The following TCF3 variants were observed in gnomAD, a reference collection of about 807,000 sequenced individuals.
The protein encoded by TCF3 is transcription factor 3, also known as transcription factor E2-alpha.
In TCF3, 54 loss-of-function variants were observed where a neutral mutation model predicts 72.3. That is an observed-to-expected ratio of 0.75 (90% CI 0.60 to 0.94). TCF3 has a LOEUF of 0.94. TCF3 is among the 40% of genes least tolerant of loss of function. The probability of loss-of-function intolerance (pLI) is 0.00; values close to 1 mark genes in which losing one functional copy is unlikely to be tolerated. For synonymous variants in TCF3, 525 were observed against 412.6 expected (o/e 1.27, Z -3.30); for missense variants, 1,078 against 934.4 (o/e 1.15, Z -2.00).
intron 2 of TCF3, 129 bp from the exon 3 acceptor site, chr19:1,646,556 C>T: frequency 2.6e-6 from 2 of 772,754 alleles, no homozygotes; most frequent in Non-Finnish European, 4.2e-6. Flanking sequence ...CCATCTAGGC[C>T]CGGCCCGTCC....
rs1230018217 is a variant in TCF3 at position 1,610,756 on chromosome 19, G to A, written c.*951C>T. On this transcript the variant is annotated 3_prime_UTR_variant, in exon 19 of 19. Coordinates refer to ENST00000262965, the MANE Select transcript of TCF3 (RefSeq NM_003200.5). Reference sequence around the variant, plus strand: ...CTGACGTCCCTTCCCCCAAGCCCAGGTCAGTCCCCTTCCTGAGGGGAGAGG... The same window carrying A: ...CTGACGTCCCTTCCCCCAAGCCCAGATCAGTCCCCTTCCTGAGGGGAGAGG... 1.7e-5 allele frequency: 4 copies of A among 232,050 alleles called. No homozygotes were observed. Among genetic ancestry groups the A allele is most frequent in the Admixed American group, 5.6e-5 (1 of 17,738 alleles). The allele number at this position is 232,050 out of a possible 1,614,324, so 14.4% of individuals were successfully genotyped here.
At chr19:1,642,153 CACACACACACACGCACGCGT>C (rs999275257) in intron 3 of TCF3, among the ~76,000 whole-genome samples, 5 of 151,552 alleles carry the variant, frequency 3.3e-5, no homozygotes, top group African/African-American at 7.3e-5. Context: ...CACACACACA[CACACACACACACGCACGCGT>C]ACACACACGC....
intron 3 of TCF3, among the ~76,000 whole-genome samples, chr19:1,635,091 G>A (rs988522590): frequency 1.2e-4 from 18 of 152,296 alleles, no homozygotes; most frequent in Admixed American, 5.9e-4. Context: ...TGGTGGACAC[G>A]GGCCCTGAAC....
At chr19:1,623,382 C>CGTTT in intron 8 of TCF3, among the ~76,000 whole-genome samples, 1 of 129,858 alleles carries the variant, frequency 7.7e-6, no homozygotes, top group Non-Finnish European at 1.6e-5. Flanking sequence ...GCACCCCCCG[C>CGTTT]TTTTTTTTTT....
chr19:1,635,844 C>T (rs1027859861), intron 3 of TCF3, among the ~76,000 whole-genome samples: 4 of 152,202 alleles, frequency 2.6e-5, no homozygotes, highest in Non-Finnish European at 5.9e-5. Flanking sequence ...ACCACGGTCA[C>T]GTCTAAAAAC....
At chr19:1,638,925 C>T (rs1032442402) in intron 3 of TCF3, among the ~76,000 whole-genome samples, 34 of 152,198 alleles carry the variant, frequency 2.2e-4, no homozygotes, top group African/African-American at 7.7e-4. Context: ...AAACACGGTG[C>T]CGACCAAAGA....
At chr19:1,634,498 T>G (rs991892198) in intron 3 of TCF3, among the ~76,000 whole-genome samples, 4 of 152,188 alleles carry the variant, frequency 2.6e-5, no homozygotes, top group Non-Finnish European at 5.9e-5. Context: ...TCAGTTCCAA[T>G]TCCAGTCACG....
chr19:1,625,676 G>A lies in TCF3; in HGVS notation c.399C>T (p.Asn133=). 1.3e-6 allele frequency: 2 copies of A among 1,524,828 alleles called. No homozygotes were observed. Among genetic ancestry groups the A allele is most frequent in the Non-Finnish European group, 1.7e-6 (2 of 1,143,172 alleles). 94.5% of individuals were successfully genotyped at this position (1,524,828 alleles called of 1,614,324 possible). Residue 133 remains asparagine (N), a synonymous_variant, in exon 7 of 19, where the codon AAC becomes AAT. Coordinates refer to ENST00000262965, the MANE Select transcript of TCF3 (RefSeq NM_003200.5). ...CCGAAGGGGACAGGGGCCCGGGGCTGTTGAGGGCCAGCTCGCCTGACAGGA... is the reference window on the plus strand; with the variant it reads ...CCGAAGGGGACAGGGGCCCGGGGCTATTGAGGGCCAGCTCGCCTGACAGGA... ...AGFLSGELAL[N]SPGPLSPSGM...
rs75557920 is a variant in TCF3, at chr19:1,644,289, G to C, written c.145+2066C>G. On this transcript the variant is annotated intron_variant, in intron 3 of 18. Coordinates refer to ENST00000262965, the MANE Select transcript of TCF3 (RefSeq NM_003200.5). ...CAGCGCCACAGCCTGCAGGGGCCTGGGGGAGTGGAGGCAATGAGGAGGGTG... is the reference window on the plus strand; with the variant it reads ...CAGCGCCACAGCCTGCAGGGGCCTGCGGGAGTGGAGGCAATGAGGAGGGTG... Among the ~76,000 whole-genome samples the C allele has an allele frequency of 4.2e-3, 637 of 152,346 alleles. 4 individuals carry two copies. Among genetic ancestry groups the C allele is most frequent in the African/African-American group, 0.014 (576 of 41,582 alleles).
chr19:1,648,938 C>A (rs1057311570), intron 2 of TCF3, among the ~76,000 whole-genome samples: 1 of 152,122 alleles, frequency 6.6e-6, no homozygotes, highest in Admixed American at 6.5e-5. Context: ...GCAGGCAAAC[C>A]GAGGCCCCGG....
At position 1,632,398 on chromosome 19, in the gene TCF3, C is replaced by T. The variant is rs867551757; in HGVS notation, c.153G>A (p.Glu51=). The T allele has an allele frequency of 1.3e-6, 2 of 1,593,960 alleles. No homozygotes were observed. The highest frequency in any genetic ancestry group is 1.7e-6 in the Non-Finnish European group (2 of 1,170,714). The change falls in exon 4 of 19, where the codon GAG becomes GAA. Residue 51 remains glutamate (E), a synonymous_variant. Coordinates refer to ENST00000262965, the MANE Select transcript of TCF3 (RefSeq NM_003200.5). The part of the protein sequence containing the change: ...AGAQFGGSGL[E]DRPSSGSWGS... ...CCCAGGAGCCTGAGCTGGGCCGGTC[C>T]TCAAGACCTGCAGGCAGGACAGAGA...
At position 1,614,837 on chromosome 19, in the gene TCF3, T is replaced by C. The variant is rs1029210794; in HGVS notation, c.1822+448A>G. On this transcript the variant is annotated intron_variant, in intron 18 of 18. Transcript: ENST00000262965. The surrounding 1 kb of genome is among the most constrained non-coding windows in gnomAD (Gnocchi z 5.6). ...GAGTCAGAGACAGGGGATGGGCTCATGTGGCCTTGCGTGGCATCTGCCTGA... is the reference window on the plus strand; with the variant it reads ...GAGTCAGAGACAGGGGATGGGCTCACGTGGCCTTGCGTGGCATCTGCCTGA... 1.1e-4 allele frequency among the ~76,000 whole-genome samples: 16 copies of C among 152,050 alleles called. No individual in the cohort carries two copies. Among genetic ancestry groups the C allele is most frequent in the Non-Finnish European group, 2.4e-4 (16 of 68,004 alleles).
intron 3 of TCF3, among the ~76,000 whole-genome samples, chr19:1,640,634 A>C (rs1241505086): frequency 6.6e-6 from 1 of 150,622 alleles, no homozygotes; most frequent in East Asian, 2.0e-4. Flanking sequence ...CTGGCTAACA[A>C]GGTGAAACCC....
At chr19:1,639,290 T>C (rs1599949651) in intron 3 of TCF3, among the ~76,000 whole-genome samples, 1 of 152,264 alleles carries the variant, frequency 6.6e-6, no homozygotes. Flanking sequence ...AAGATCCACC[T>C]GCCTTGGCCT....
At chr19:1,645,186 G>C (rs966623931) in intron 3 of TCF3, among the ~76,000 whole-genome samples, 1 of 152,030 alleles carries the variant, frequency 6.6e-6, no homozygotes, top group East Asian at 1.9e-4. Flanking sequence ...CCCACCCCTG[G>C]GGGATTCTGG....
intron 16 of TCF3, among the ~76,000 whole-genome samples, chr19:1,617,076 G>A (rs917656508): frequency 6.6e-6 from 1 of 152,244 alleles, no homozygotes. Flanking sequence ...ATGCAAATTA[G>A]GGTGGCTTTG....
At chr19:1,638,648 C>T (rs1183788687) in intron 3 of TCF3, among the ~76,000 whole-genome samples, 6 of 152,156 alleles carry the variant, frequency 3.9e-5, no homozygotes, top group Middle Eastern at 3.2e-3. Context: ...GATTTCACTT[C>T]GGACGTTGAG....
intron 2 of TCF3, among the ~76,000 whole-genome samples, chr19:1,647,221 G>C (rs151130001): frequency 6.6e-6 from 1 of 152,148 alleles, no homozygotes; most frequent in Admixed American, 6.5e-5. Flanking sequence ...GGGCTCAGCG[G>C]CATTAACCGG....
chr19:1,619,941 CCG>C, intron 13 of TCF3, 88 bp from the exon 14 acceptor site: 2 of 1,195,828 alleles, frequency 1.7e-6, no homozygotes, highest in Non-Finnish European at 1.2e-6. Flanking sequence ...ATGAACCACC[CCG>C]CCTGTCCAGC....
Sources: allele counts gnomAD v4.1 joint callset (sites outside exome capture counted in the v4.1 genomes callset), GRCh38; gene constraint gnomAD v4.1.1; non-coding constraint Gnocchi (gnomAD v3.1); transcripts MANE v1.5; gene names NCBI Gene and HGNC (gene_info 2026-07-23, HGNC 2026-07-21).